Variants in CATSPERE observed in about 807,000 individuals in gnomAD.
CATSPERE encodes catsper channel auxiliary subunit epsilon, also known as cation channel sperm-associated auxiliary subunit epsilon.
Under a neutral mutation model 114.1 loss-of-function variants are expected in CATSPERE, and 93 were observed. That is an observed-to-expected ratio of 0.81 (90% CI 0.69 to 0.97). The LOEUF (loss-of-function observed/expected upper bound fraction) is 0.97, where lower values mean the gene tolerates loss of function less well. Ranked by LOEUF, CATSPERE falls within the 50% of genes least tolerant of loss-of-function variation. The pLI is 0.00. For synonymous variants in CATSPERE, 341 were observed against 384.1 expected (o/e 0.89, Z 1.31); for missense variants, 1,058 against 1,131.6 (o/e 0.93, Z 0.93).
chr1:244,588,319 A>T (rs1667288412), intron 13 of CATSPERE, among the ~76,000 whole-genome samples, 163 bp from the exon 14 acceptor site: 2 of 152,050 alleles, frequency 1.3e-5, no homozygotes, highest in Non-Finnish European at 2.9e-5. Flanking sequence ...AAAAAAAGTG[A>T]TCAAGGAAAG....
At chr1:244,460,497 C>T (rs1026016406), upstream of CATSPERE, among the ~76,000 whole-genome samples, 9 of 152,188 alleles carry the variant, frequency 5.9e-5, no homozygotes, top group Non-Finnish European at 1.3e-4. Flanking sequence ...CACTGGCTTC[C>T]GCCAACCCAC....
chr1:244,548,506 CACTT>C (rs113845248), intron 8 of CATSPERE, among the ~76,000 whole-genome samples: 17,536 of 152,056 alleles, frequency 0.12, 1,596 homozygotes, highest in African/African-American at 0.26. Context: ...CTGGAATAGA[CACTT>C]ACTTTGGATA....
At chr1:244,621,919 AC>A (rs1672447914) in intron 20 of CATSPERE, among the ~76,000 whole-genome samples, 1 of 152,258 alleles carries the variant, frequency 6.6e-6, no homozygotes, top group South Asian at 2.1e-4. Flanking sequence ...ATCATCATTT[AC>A]TTCTCCAAAA....
chr1:244,479,674 T>G, intron 4 of CATSPERE, 43 bp from the exon 5 acceptor site: 2 of 1,275,678 alleles, frequency 1.6e-6, no homozygotes, highest in South Asian at 1.3e-5. Context: ...TTGCATTTGA[T>G]TTAATGTTAA....
At chr1:244,529,317 T>C (rs1461353942) in intron 8 of CATSPERE, among the ~76,000 whole-genome samples, 8 of 152,060 alleles carry the variant, frequency 5.3e-5, no homozygotes, top group Non-Finnish European at 1.2e-4. Context: ...GCTCCCTTTC[T>C]CCAGCATTTG....
At chr1:244,517,539 A>T (rs370811990) in intron 7 of CATSPERE, among the ~76,000 whole-genome samples, 5 of 151,938 alleles carry the variant, frequency 3.3e-5, no homozygotes, top group Admixed American at 6.6e-5. Flanking sequence ...TAGGAGGAGG[A>T]GGTGGGTGGA....
chr1:244,512,346 AT>A (rs1675916401), intron 7 of CATSPERE, among the ~76,000 whole-genome samples: 1 of 152,128 alleles, frequency 6.6e-6, no homozygotes, highest in South Asian at 2.1e-4. Flanking sequence ...TGTATTTTTA[AT>A]TTTATGCATT....
chr1:244,525,600 T>A (rs188073360), intron 8 of CATSPERE, among the ~76,000 whole-genome samples: 1 of 152,176 alleles, frequency 6.6e-6, no homozygotes, highest in Non-Finnish European at 1.5e-5. Context: ...ACAACCAATT[T>A]GAAAGAATTT....
At chr1:244,553,993 A>G (rs1661200798) in intron 9 of CATSPERE, among the ~76,000 whole-genome samples, 1 of 152,134 alleles carries the variant, frequency 6.6e-6, no homozygotes, top group South Asian at 2.1e-4. Flanking sequence ...ATATTGCTGC[A>G]AACATGATTT....
intron 8 of CATSPERE, among the ~76,000 whole-genome samples, chr1:244,539,441 G>A (rs1658227698): frequency 7.3e-6 from 1 of 136,694 alleles, no homozygotes; most frequent in Non-Finnish European, 1.6e-5. Context: ...TCTCTTTTTT[G>A]GTTATGTCTC....
chr1:244,634,272 TG>T (rs1254288963), intron 20 of CATSPERE, among the ~76,000 whole-genome samples: 1 of 152,230 alleles, frequency 6.6e-6, no homozygotes, highest in Non-Finnish European at 1.5e-5. Flanking sequence ...ATCCCAGTTT[TG>T]CCACTACTAG....
In CATSPERE at chr1:244,553,622, C is replaced by CACACACATATATACAT. The variant is rs1553356174; in HGVS notation, c.1029+815_1029+816insTATATACATACACACA. Among the ~76,000 whole-genome samples the CACACACATATATACAT allele has an allele frequency of 4.2e-4, 60 of 141,346 alleles. 2 individuals carry two copies. The highest frequency in any genetic ancestry group is 1.5e-3 in the African/African-American group (54 of 35,128). 92.7% of individuals were successfully genotyped at this position (141,346 alleles called of 152,430 possible). A position where few individuals can be genotyped will look rare whatever the true frequency, so the allele number is the denominator to read the frequency against. On this transcript the variant is annotated intron_variant, in intron 9 of 21. Transcript: ENST00000366534. ...AAAAATACACACACACACACACACACACACACACACACACACACACACATA... is the reference window on the plus strand; with the variant it reads ...AAAAATACACACACACACACACACACACACACATATATACATACACACACACACACACACACACATA...
intron 7 of CATSPERE, among the ~76,000 whole-genome samples, chr1:244,517,988 A>C (rs941794793): frequency 2.6e-5 from 4 of 152,228 alleles, no homozygotes; most frequent in Non-Finnish European, 5.9e-5. Context: ...GGATTAGGAT[A>C]GAATTCTAGA....
chr1:244,553,732 CTGTA>C (rs1364314554), intron 9 of CATSPERE, among the ~76,000 whole-genome samples: 1 of 151,244 alleles, frequency 6.6e-6, no homozygotes, highest in Non-Finnish European at 1.5e-5. Context: ...TTCTATCGAA[CTGTA>C]TGTTAGTTAG....
At chr1:244,629,851 G>A (rs1352198496) in intron 20 of CATSPERE, among the ~76,000 whole-genome samples, 1 of 150,688 alleles carries the variant, frequency 6.6e-6, no homozygotes, top group Non-Finnish European at 1.5e-5. Context: ...TGTTGGCCAG[G>A]CTGGTCTCAA....
intron 7 of CATSPERE, chr1:244,515,453 C>T (rs927726761): frequency 1.7e-5 from 5 of 288,666 alleles, no homozygotes; most frequent in African/African-American, 2.3e-5. Context: ...CTGGAAGTCA[C>T]GATTAATAAT....
At chr1:244,562,534 A>G (rs1662736256) in intron 10 of CATSPERE, among the ~76,000 whole-genome samples, 1 of 152,218 alleles carries the variant, frequency 6.6e-6, no homozygotes, top group Non-Finnish European at 1.5e-5. Context: ...AGTTTGTCAC[A>G]GTCTAAACTC....
At chr1:244,542,591 T>C (rs989742158) in intron 8 of CATSPERE, among the ~76,000 whole-genome samples, 1 of 152,190 alleles carries the variant, frequency 6.6e-6, no homozygotes, top group African/African-American at 2.4e-5. Flanking sequence ...AGTATTTGAT[T>C]TTCTGTTTCT....
chr1:244,483,331 C>G (rs1407429832), intron 5 of CATSPERE, among the ~76,000 whole-genome samples: 4 of 152,286 alleles, frequency 2.6e-5, no homozygotes, highest in East Asian at 1.9e-4. Context: ...GAAGGTTTCT[C>G]TAAGGTAGAG....
Sources: allele counts gnomAD v4.1 joint callset (sites outside exome capture counted in the v4.1 genomes callset), GRCh38; gene constraint gnomAD v4.1.1; transcripts MANE v1.5; gene names NCBI Gene and HGNC (gene_info 2026-07-23, HGNC 2026-07-21).